The following PLAAT3 variants were observed in gnomAD, a reference collection of about 807,000 sequenced individuals.
The protein encoded by PLAAT3 is Ca-independent phospholipase A1/2.
Under a neutral mutation model 16.7 loss-of-function variants are expected in PLAAT3, and 21 were observed. The ratio of observed to expected loss-of-function variants is 1.26; its 90% CI spans 0.89 to 1.81. The LOEUF (loss-of-function observed/expected upper bound fraction) is 1.81, where lower values mean the gene tolerates loss of function less well. Ranked by LOEUF, PLAAT3 falls within the 40% of genes most tolerant of loss-of-function variation. The pLI is 0.00. For synonymous variants in PLAAT3, 76 were observed against 81.7 expected, an observed-to-expected ratio of 0.93 and a Z score of 0.38; for missense variants, 219 against 213.7, an observed-to-expected ratio of 1.02 and a Z score of -0.16.
At chr11:63,595,124 C>G (rs1383595798) in intron 3 of PLAAT3, among the ~76,000 whole-genome samples, 1 of 151,854 alleles carries the variant, frequency 6.6e-6, no homozygotes, top group African/African-American at 2.4e-5. Context: ...AATCCCATCT[C>G]TACTAAAAAT....
intron 4 of PLAAT3, among the ~76,000 whole-genome samples, chr11:63,586,726 CAA>C (rs796796712): frequency 1.4e-5 from 2 of 141,948 alleles, no homozygotes; most frequent in African/African-American, 5.1e-5. Context: ...ACTGCTAATT[CAA>C]AAAAAAAAAA....
rs1366558438 is a variant in PLAAT3, at chr11:63,574,883, C to G, written c.*62G>C. The G allele has an allele frequency of 3.1e-6, 3 of 976,618 alleles. No individual in the cohort carries two copies. The highest frequency in any genetic ancestry group is 5.0e-6 in the Non-Finnish European group (3 of 605,794). The allele number at this position is 976,618 out of a possible 1,614,324, so 60.5% of individuals were successfully genotyped here. A position where few individuals can be genotyped will look rare whatever the true frequency, so the allele number is the denominator to read the frequency against. ...AAATCCACAAACCAAACCCCAAACT[C>G]TCTAGCAAAACAAGACCCCCTTGAT... On this transcript the variant is annotated 3_prime_UTR_variant, in exon 5 of 5. Coordinates refer to ENST00000415826, the MANE Select transcript of PLAAT3 (RefSeq NM_001128203.2).
chr11:63,613,835 C>T (rs971642881), intron 2 of PLAAT3, among the ~76,000 whole-genome samples, 165 bp downstream of exon 2: 2 of 152,238 alleles, frequency 1.3e-5, no homozygotes, highest in Non-Finnish European at 2.9e-5. Flanking sequence ...CCAACAGGTG[C>T]GCGCCGACCC....
intron 2 of PLAAT3, among the ~76,000 whole-genome samples, chr11:63,599,593 G>A (rs1001782020): frequency 6.6e-6 from 1 of 152,036 alleles, no homozygotes; most frequent in African/African-American, 2.4e-5. Flanking sequence ...GATAAATCAT[G>A]TTCTTTTGTT....
chr11:63,615,062 ATG>A (rs1266606235), upstream of PLAAT3, among the ~76,000 whole-genome samples: 3 of 7,372 alleles, frequency 4.1e-4, no homozygotes, highest in Non-Finnish European at 1.0e-3. Context: ...GTGTATATAT[ATG>A]TGTGTATATA....
At chr11:63,609,329 A>T (rs1938637696) in intron 2 of PLAAT3, among the ~76,000 whole-genome samples, 1 of 152,216 alleles carries the variant, frequency 6.6e-6, no homozygotes, top group Non-Finnish European at 1.5e-5. Context: ...AAAAACCCAT[A>T]AGAAGCTAGG....
At chr11:63,604,490 C>T (rs549495616) in intron 2 of PLAAT3, among the ~76,000 whole-genome samples, 9 of 152,014 alleles carry the variant, frequency 5.9e-5, no homozygotes, top group South Asian at 2.1e-4. Flanking sequence ...AGGCCGGGCG[C>T]GGGGGCTCAC....
intron 2 of PLAAT3, among the ~76,000 whole-genome samples, chr11:63,598,411 G>C (rs1210523398): frequency 6.6e-6 from 1 of 152,190 alleles, no homozygotes; most frequent in African/African-American, 2.4e-5. Context: ...GTTTCTTCAT[G>C]AGCTGGAGTC....
At position 63,591,407 on chromosome 11, in the gene PLAAT3, G is replaced by C. The variant is rs534853994; in HGVS notation, c.119-1039C>G. Among the ~76,000 whole-genome samples the C allele has an allele frequency of 2.6e-5, 4 of 152,108 alleles. No homozygotes were observed. The South Asian group carries it at 8.3e-4, about 32-fold the overall frequency. On this transcript the variant is annotated intron_variant, in intron 3 of 4. Coordinates refer to ENST00000415826, the MANE Select transcript of PLAAT3 (RefSeq NM_001128203.2). ...AGGAAAAAAAGAAAAAGAAAAAGTA[G>C]GTATGCACTCAAGGGATGGGCCTAC...
chr11:63,590,011 T>C, intron 4 of PLAAT3, 89 bp downstream of exon 4: 2 of 1,272,572 alleles, frequency 1.6e-6, no homozygotes, highest in Non-Finnish European at 2.2e-6. Flanking sequence ...CTATTTTGTC[T>C]TGTTCATGCC....
At chr11:63,579,812 T>C (rs1488791225) in intron 4 of PLAAT3, among the ~76,000 whole-genome samples, 1 of 147,468 alleles carries the variant, frequency 6.8e-6, no homozygotes, top group African/African-American at 2.5e-5. Flanking sequence ...ACATGGCACA[T>C]GTATACATAT....
At chr11:63,588,729 GAACATGAATAACCC>G (rs1200204816) in intron 4 of PLAAT3, among the ~76,000 whole-genome samples, 3 of 152,038 alleles carry the variant, frequency 2.0e-5, no homozygotes, top group African/African-American at 7.2e-5. Context: ...AATAGTTGTT[GAACATGAATAACCC>G]AACTGATCGA....
At chr11:63,589,634 T>C (rs886092975) in intron 4 of PLAAT3, among the ~76,000 whole-genome samples, 2 of 152,164 alleles carry the variant, frequency 1.3e-5, no homozygotes, top group Non-Finnish European at 2.9e-5. Flanking sequence ...CACACAGACC[T>C]GGGCTTCAAA....
At chr11:63,589,974 T>A in intron 4 of PLAAT3, 126 bp downstream of exon 4, 75 of 655,246 alleles carry the variant, frequency 1.1e-4, no homozygotes, top group Non-Finnish European at 1.5e-4. Flanking sequence ...AACTGTGACA[T>A]CCTCAAGGGC....
chr11:63,602,988 GAGGCTGAGGC>G (rs1432124187), intron 2 of PLAAT3, among the ~76,000 whole-genome samples: 2 of 152,344 alleles, frequency 1.3e-5, no homozygotes, highest in East Asian at 3.9e-4. Flanking sequence ...AGCTACTCAG[GAGGCTGAGGC>G]AGGGAGAATC....
At chr11:63,583,230 C>T (rs1937872971) in intron 4 of PLAAT3, among the ~76,000 whole-genome samples, 1 of 152,134 alleles carries the variant, frequency 6.6e-6, no homozygotes, top group Admixed American at 6.6e-5. Context: ...TTAAATGCTC[C>T]TCTAAAAGAT....
At chr11:63,611,056 A>G (rs1045256631) in intron 2 of PLAAT3, among the ~76,000 whole-genome samples, 1 of 152,096 alleles carries the variant, frequency 6.6e-6, no homozygotes, top group Admixed American at 6.5e-5. Context: ...CACTGTAGAC[A>G]AATAGGAGCA....
chr11:63,590,330 C>T lies in PLAAT3; in HGVS notation c.157G>A (p.Ala53Thr), dbSNP rs776280361. 13 of 1,613,782 alleles carry T rather than the reference C, an allele frequency of 8.1e-6. 1 individual carries two copies. The highest frequency in any genetic ancestry group is 3.3e-5 in the South Asian group (3 of 91,078). The change falls in exon 4 of 5, where the codon GCC becomes ACC. Residue 53 changes from alanine to threonine, a missense_variant. Physicochemically the swap from Ala to Thr is moderately conservative, Grantham distance 58. Transcript: ENST00000415826. Reference protein sequence around the residue: ...AGAGAASVMSALTDKAIVKKE... With the variant: ...AGAGAASVMSTLTDKAIVKKE... ...TTCACGATGGCCTTGTCAGTCAGGG[C>T]GGACATGACACTGGCTGCACCAGCT...
intron 4 of PLAAT3, among the ~76,000 whole-genome samples, chr11:63,575,918 C>G (rs2017653322): frequency 6.6e-6 from 1 of 152,166 alleles, no homozygotes; most frequent in Admixed American, 6.5e-5. Context: ...CCCTGACCCC[C>G]AAAAGAAGTC....
Sources: allele counts gnomAD v4.1 joint callset (sites outside exome capture counted in the v4.1 genomes callset), GRCh38; gene constraint gnomAD v4.1.1; transcripts MANE v1.5; gene names NCBI Gene and HGNC (gene_info 2026-07-23, HGNC 2026-07-21).